JAKMIP3: variants seen among roughly 807,000 people sequenced by gnomAD.
JAKMIP3 encodes the protein janus kinase and microtubule-interacting protein 3.
A neutral mutation model predicts 118.5 loss-of-function variants in JAKMIP3; 58 were observed. That is an observed-to-expected ratio of 0.49 (90% CI 0.40 to 0.61). JAKMIP3 has a LOEUF of 0.61. JAKMIP3 is among the 20% of genes least tolerant of loss of function. The pLI is 0.00. For synonymous variants in JAKMIP3, 486 were observed against 451.2 expected, an observed-to-expected ratio of 1.08 and a Z score of -0.98; for missense variants, 950 against 1,109.0, an observed-to-expected ratio of 0.86 and a Z score of 2.04.
At chr10:132,173,756 C>T (rs1171087815) in intron 23 of JAKMIP3, among the ~76,000 whole-genome samples, 1 of 100,358 alleles carries the variant, frequency 1.0e-5, no homozygotes, top group Admixed American at 1.0e-4. Flanking sequence ...TGTGGTGTGT[C>T]TCTGGTGGTC....
chr10:132,135,949 C>G lies in JAKMIP3; in HGVS notation c.989C>G (p.Ala330Gly). Residue 330 changes from alanine (A) to glycine (G), a missense_variant, in exon 6 of 24, where the codon GCT becomes GGT. By Grantham distance (60) the Ala-to-Gly change is moderately conservative. Coordinates refer to ENST00000684848, the MANE Select transcript of JAKMIP3 (RefSeq NM_001323087.2). Reference protein sequence around the residue: ...RNELLKRVREAESQYKPLLDK... With the variant: ...RNELLKRVREGESQYKPLLDK... ...TTTCAGTTGAAGCGCGTAAGAGAAG[C>G]TGAGAGTCAGTACAAGCCTCTGCTG... The G allele has an allele frequency of 1.2e-6, 2 of 1,612,926 alleles. No individual in the cohort carries two copies. Among genetic ancestry groups the G allele is most frequent in the South Asian group, 2.2e-5 (2 of 90,922 alleles).
rs774363636 is a variant in JAKMIP3, at chr10:132,153,753, G to A, written c.2074-6G>A. ...TCACTGTCCTGCTTGTTCTGTTTGT[G>A]TCCAGTGGCTCCAGCAGATTGAGGA... On this transcript the variant is annotated splice_region_variant and splice_polypyrimidine_tract_variant and intron_variant, in intron 17 of 23. Coordinates refer to ENST00000684848, the MANE Select transcript of JAKMIP3 (RefSeq NM_001323087.2). 1 of 1,613,094 alleles carries A rather than the reference G, an allele frequency of 6.2e-7. No individual in the cohort carries two copies. Among genetic ancestry groups the A allele is most frequent in the East Asian group, 2.2e-5 (1 of 44,882 alleles).
At chr10:132,038,113 G>A (rs916699497) in intron 1 of JAKMIP3, among the ~76,000 whole-genome samples, 2 of 152,212 alleles carry the variant, frequency 1.3e-5, no homozygotes, top group Non-Finnish European at 2.9e-5. Flanking sequence ...CCATGGACAA[G>A]CTTCCTGTTT....
chr10:132,171,046 C>T (rs375006933), intron 23 of JAKMIP3, among the ~76,000 whole-genome samples: 136 of 152,336 alleles, frequency 8.9e-4, no homozygotes, highest in East Asian at 2.9e-3. Context: ...AACCTGTCCC[C>T]GCTGGAGCAC....
intron 1 of JAKMIP3, among the ~76,000 whole-genome samples, chr10:132,075,105 T>A (rs1271627597): frequency 6.6e-6 from 1 of 152,222 alleles, no homozygotes; most frequent in Non-Finnish European, 1.5e-5. Flanking sequence ...TGAAATCAGG[T>A]AATATGATGC....
chr10:132,118,589 C>T lies in JAKMIP3; in HGVS notation c.633+1015C>T, dbSNP rs1315408702. On this transcript the variant is annotated intron_variant, in intron 3 of 23. Transcript: ENST00000684848. This position sits in a 1 kb window ranked among gnomAD's most constrained non-coding sequence, Gnocchi z 4.8. ...AGCATGTGGAACTCCCAGAGAGGGGCAGCCGCTCTCCACACCCACAGCCAG... is the reference window on the plus strand; with the variant it reads ...AGCATGTGGAACTCCCAGAGAGGGGTAGCCGCTCTCCACACCCACAGCCAG... Among the ~76,000 whole-genome samples the T allele has an allele frequency of 1.3e-5, 2 of 152,208 alleles. No individual in the cohort carries two copies. Among genetic ancestry groups the T allele is most frequent in the African/African-American group, 4.8e-5 (2 of 41,466 alleles).
chr10:132,129,721 G>A (rs1011933014), intron 3 of JAKMIP3, among the ~76,000 whole-genome samples: 2 of 152,114 alleles, frequency 1.3e-5, no homozygotes, highest in Admixed American at 1.3e-4. Context: ...TGTGTCCGGG[G>A]CCCTGTGCTG....
At chr10:132,096,691 A>T (rs949871581) in intron 1 of JAKMIP3, among the ~76,000 whole-genome samples, 11 of 151,374 alleles carry the variant, frequency 7.3e-5, no homozygotes, top group African/African-American at 2.4e-4. Flanking sequence ...GATGGAGGGG[A>T]CATACTTTTC....
chr10:132,081,762 G>T (rs2041794015), intron 1 of JAKMIP3, among the ~76,000 whole-genome samples: 1 of 152,000 alleles, frequency 6.6e-6, no homozygotes. Context: ...CCTTTCCGAG[G>T]AGTCTTGGGG....
intron 3 of JAKMIP3, among the ~76,000 whole-genome samples, chr10:132,125,078 A>T (rs1285199746): frequency 6.6e-6 from 1 of 152,172 alleles, no homozygotes; most frequent in African/African-American, 2.4e-5. Context: ...GAAGTTTGGC[A>T]TTTTAAGGAA....
At chr10:132,083,429 A>C (rs1001005014) in intron 1 of JAKMIP3, among the ~76,000 whole-genome samples, 4 of 152,092 alleles carry the variant, frequency 2.6e-5, no homozygotes, top group Admixed American at 2.6e-4. Flanking sequence ...TCTTAATATT[A>C]GTCCTTTGTC....
rs1164976894 is a variant in JAKMIP3, at chr10:132,049,987, G to A, written c.-138+13249G>A. On this transcript the variant is annotated intron_variant, in intron 1 of 23. Transcript: ENST00000657785. The surrounding 1 kb of genome is among the most constrained non-coding windows in gnomAD (Gnocchi z 4.3). ...TTTTTTGTTTCGTTTTGATGATGGA[G>A]GTTTGTGAATATTCCCAAGTTCATG... Among the ~76,000 whole-genome samples the A allele has an allele frequency of 1.3e-5, 2 of 152,154 alleles. No homozygotes were observed. Among genetic ancestry groups the A allele is most frequent in the Non-Finnish European group, 2.9e-5 (2 of 68,022 alleles).
At chr10:132,139,611 G>C (rs1015823300) in intron 9 of JAKMIP3, among the ~76,000 whole-genome samples, 1 of 145,002 alleles carries the variant, frequency 6.9e-6, no homozygotes, top group African/African-American at 2.6e-5. Context: ...CTGAAAGGTG[G>C]AGAGGAGGAG....
At chr10:132,097,586 C>T (rs373821138) in intron 1 of JAKMIP3, among the ~76,000 whole-genome samples, 11 of 152,010 alleles carry the variant, frequency 7.2e-5, no homozygotes, top group African/African-American at 1.9e-4. Flanking sequence ...ATAACAGGGA[C>T]CCTTGTAGGG....
intron 15 of JAKMIP3, 61 bp downstream of exon 15, chr10:132,149,571 T>TCTCCGCCCCCGCCCCGCCCCC (rs2055457183): frequency 3.2e-6 from 1 of 311,446 alleles, no homozygotes; most frequent in African/African-American, 1.1e-4. Context: ...CCCCACCCCC[T>TCTCCGCCCCCGCCCCGCCCCC]CTCCGCCCCC....
At chr10:132,167,256 G>A (rs966690627) in intron 22 of JAKMIP3, among the ~76,000 whole-genome samples, 1 of 152,204 alleles carries the variant, frequency 6.6e-6, no homozygotes, top group Non-Finnish European at 1.5e-5. Context: ...AGGACCCGGA[G>A]TCTTCCACTG....
At chr10:132,124,635 A>G (rs1025354821) in intron 3 of JAKMIP3, among the ~76,000 whole-genome samples, 2 of 152,196 alleles carry the variant, frequency 1.3e-5, no homozygotes, top group African/African-American at 4.8e-5. Context: ...ACACATGTCC[A>G]TTGCCACGCG....
intron 19 of JAKMIP3, among the ~76,000 whole-genome samples, chr10:132,155,816 T>G (rs61864448): frequency 0.029 from 4,441 of 152,308 alleles, 107 homozygotes; most frequent in Middle Eastern, 0.099. Flanking sequence ...CCTGGGCCAC[T>G]GTCCTCACGG....
At chr10:132,159,652 C>CCCTGTGTGATGCTGGGGGAGTCTCTT (rs2057710575) in intron 19 of JAKMIP3, among the ~76,000 whole-genome samples, 1 of 55,346 alleles carries the variant, frequency 1.8e-5, no homozygotes, top group Non-Finnish European at 3.7e-5. Flanking sequence ...GGGGGCCTCT[C>CCCTGTGTGATGCTGGGGGAGTCTCTT]CCTGTGTGAT....
Sources: allele counts gnomAD v4.1 joint callset (sites outside exome capture counted in the v4.1 genomes callset), GRCh38; gene constraint gnomAD v4.1.1; non-coding constraint Gnocchi (gnomAD v3.1); transcripts MANE v1.5; gene names NCBI Gene and HGNC (gene_info 2026-07-23, HGNC 2026-07-21).